Variants in STK31 observed in about 807,000 individuals in gnomAD.
STK31 encodes the protein serine/threonine kinase 31, also known as serine/threonine-protein kinase 31.
A neutral mutation model predicts 129.7 loss-of-function variants in STK31; 89 were observed. The ratio of observed to expected loss-of-function variants is 0.69; its 90% CI spans 0.58 to 0.82. The LOEUF is 0.82. Among genes scored for constraint, STK31 ranks in the 40% least tolerant of loss-of-function variants. The pLI is 0.00. For missense variants in STK31, 1,187 were observed against 1,176.4 expected (o/e 1.01, Z -0.13); for synonymous variants, 448 against 395.3 (o/e 1.13, Z -1.58).
At chr7:23,797,679 C>G (rs918058412) in intron 22 of STK31, among the ~76,000 whole-genome samples, 3 of 152,086 alleles carry the variant, frequency 2.0e-5, no homozygotes, top group Non-Finnish European at 4.4e-5. Context: ...AAAATCGACA[C>G]CCTAACATCA....
chr7:23,763,739 CAAATGTTTTCATTTG>C (rs888699064), intron 11 of STK31, among the ~76,000 whole-genome samples: 14 of 150,866 alleles, frequency 9.3e-5, no homozygotes, highest in African/African-American at 3.4e-4. Flanking sequence ...TCTGTGTTTT[CAAATGTTTTCATTTG>C]AAATGTTTTC....
chr7:23,785,856 C>T (rs1288014871), intron 18 of STK31, among the ~76,000 whole-genome samples: 1 of 97,602 alleles, frequency 1.0e-5, no homozygotes, highest in Non-Finnish European at 2.1e-5. Context: ...GGGTGGGGGG[C>T]AGGGGGAGGG....
Position 23,832,353 on chromosome 7 carries a change from A to G in STK31, c.3047A>G (p.Asn1016Ser). 1.2e-6 allele frequency: 2 copies of G among 1,607,946 alleles called. No homozygotes were observed. Among genetic ancestry groups the G allele is most frequent in the Middle Eastern group, 1.8e-4 (1 of 5,680 alleles). Residue 1016 changes from asparagine (N) to serine (S), a missense_variant, in exon 24 of 24, where the codon AAC becomes AGC. Asn to Ser is a conservative substitution (Grantham distance 46). Around this residue, in one of 5 missense-constraint regions of STK31, gnomAD observed 975 missense variants for 934.9 expected, o/e 1.04. Transcript: ENST00000355870. The stretch of plus-strand genomic sequence containing the variant: ...GAGAAGACAAGAAATGGTGAAGCCA[A>G]CTTTGATTGTTAAATTATTATTGTT... ...CMEKTRNGEANFDC is the reference protein window; with the variant it reads ...CMEKTRNGEASFDC
chr7:23,722,011 G>A lies in STK31; in HGVS notation c.249+4432G>A, dbSNP rs570518413. The stretch of plus-strand genomic sequence containing the variant: ...CAAGGTTTTTAGCTTCTTTGCAGTG[G>A]GTTTGAACATCCTCCTTTAGCTTGG... On this transcript the variant is annotated intron_variant, in intron 4 of 23. Transcript: ENST00000355870. 1.6e-5 allele frequency: 3 copies of A among 184,892 alleles called. No homozygotes were observed. The South Asian group carries it at 3.2e-4, about 19-fold the overall frequency. 11.5% of individuals were successfully genotyped at this position (184,892 alleles called of 1,614,324 possible). A position where few individuals can be genotyped will look rare whatever the true frequency, so the allele number is the denominator to read the frequency against.
chr7:23,795,641 T>G (rs1428271038), intron 22 of STK31, among the ~76,000 whole-genome samples: 2 of 152,072 alleles, frequency 1.3e-5, no homozygotes, highest in Non-Finnish European at 2.9e-5. Context: ...TGCCAGCCCA[T>G]GAAAGCAGCC....
At chr7:23,774,248 G>A (rs1462942587) in intron 15 of STK31, among the ~76,000 whole-genome samples, 1 of 152,184 alleles carries the variant, frequency 6.6e-6, no homozygotes, top group African/African-American at 2.4e-5. Context: ...ACATACGTGT[G>A]CATGTGTCTT....
At chr7:23,727,076 A>G (rs1019484669) in intron 4 of STK31, among the ~76,000 whole-genome samples, 165 bp from the exon 5 acceptor site, 1 of 152,172 alleles carries the variant, frequency 6.6e-6, no homozygotes, top group Admixed American at 6.5e-5. Context: ...CTTTGGATAC[A>G]TAGTGGCATA....
chr7:23,752,634 C>A, intron 8 of STK31, 83 bp from the exon 9 acceptor site: 1 of 1,045,440 alleles, frequency 9.6e-7, no homozygotes, highest in Non-Finnish European at 1.5e-6. Flanking sequence ...AGCCACTGTG[C>A]CCAGCCAAAA....
chr7:23,799,207 C>T (rs928158197), intron 22 of STK31, among the ~76,000 whole-genome samples: 3 of 152,106 alleles, frequency 2.0e-5, no homozygotes, highest in South Asian at 4.1e-4. Context: ...CCCATCAAGC[C>T]ACCATTAACT....
At chr7:23,766,474 G>A (rs781062356) in intron 11 of STK31, among the ~76,000 whole-genome samples, 1 of 152,092 alleles carries the variant, frequency 6.6e-6, no homozygotes, top group Non-Finnish European at 1.5e-5. Context: ...GGCTGGTCTC[G>A]AACTTCTGAC....
At chr7:23,739,614 A>G (rs1787934613) in intron 8 of STK31, among the ~76,000 whole-genome samples, 1 of 152,180 alleles carries the variant, frequency 6.6e-6, no homozygotes, top group Admixed American at 6.5e-5. Context: ...GGGGTTTTAC[A>G]TTTAAGTCTT....
intron 13 of STK31, among the ~76,000 whole-genome samples, chr7:23,770,657 CA>C (rs779988780): frequency 6.6e-6 from 1 of 152,046 alleles, no homozygotes; most frequent in Non-Finnish European, 1.5e-5. Flanking sequence ...CTCTGTCGCC[CA>C]GGCTGGAGTG....
At chr7:23,724,522 C>T (rs1410666460) in intron 4 of STK31, among the ~76,000 whole-genome samples, 3 of 152,184 alleles carry the variant, frequency 2.0e-5, no homozygotes, top group South Asian at 4.1e-4. Context: ...CACAAGTGTT[C>T]CCAGCCCTGC....
At chr7:23,803,736 T>C (rs1402136607) in intron 22 of STK31, among the ~76,000 whole-genome samples, 1 of 152,204 alleles carries the variant, frequency 6.6e-6, no homozygotes, top group East Asian at 1.9e-4. Context: ...TCCTTCCTCC[T>C]ACCCTCTGCC....
intron 4 of STK31, among the ~76,000 whole-genome samples, chr7:23,724,580 A>T (rs1268488525): frequency 6.6e-6 from 1 of 152,214 alleles, no homozygotes; most frequent in Non-Finnish European, 1.5e-5. Flanking sequence ...CTTACCTTAT[A>T]CCAAATTATT....
At chr7:23,721,641 C>A in intron 4 of STK31, 1 of 855,540 alleles carries the variant, frequency 1.2e-6, no homozygotes, top group South Asian at 1.3e-5. Flanking sequence ...TAAATACAAG[C>A]CAAGCCCTGT....
chr7:23,819,314 AC>A (rs1306221165), intron 23 of STK31, among the ~76,000 whole-genome samples: 1 of 152,212 alleles, frequency 6.6e-6, no homozygotes, highest in Non-Finnish European at 1.5e-5. Context: ...ATATTCAGAT[AC>A]TGTTTTTTGC....
At chr7:23,820,070 G>T (rs543981453) in intron 23 of STK31, among the ~76,000 whole-genome samples, 45 of 152,270 alleles carry the variant, frequency 3.0e-4, no homozygotes, top group African/African-American at 1.1e-3. Context: ...AAATTTATTT[G>T]TTCGTATTTC....
At chr7:23,748,734 T>TACTGTGAGA (rs1562569225) in intron 8 of STK31, among the ~76,000 whole-genome samples, 2 of 152,244 alleles carry the variant, frequency 1.3e-5, no homozygotes. Flanking sequence ...TGGCTTACTT[T>TACTGTGAGA]ACTGTGAGAA....
Sources: gnomAD v4.1 joint callset for allele counts (sites outside exome capture counted in the v4.1 genomes callset) on GRCh38, gnomAD v4.1.1 for gene constraint, gnomAD v4.1.1 regional missense constraint, MANE v1.5 for transcripts, NCBI Gene and HGNC (gene_info 2026-07-23, HGNC 2026-07-21) for gene names.